The following DENND1A variants were observed in gnomAD, a reference collection of about 807,000 sequenced individuals.
DENND1A encodes DENN domain-containing protein 1A.
A neutral mutation model predicts 113.7 loss-of-function variants in DENND1A; 51 were observed. That is an observed-to-expected ratio of 0.45 (90% CI 0.36 to 0.57). The LOEUF (loss-of-function observed/expected upper bound fraction) is 0.57. Ranked by LOEUF, DENND1A falls within the 20% of genes least tolerant of loss-of-function variation. The pLI is 0.00. For synonymous variants in DENND1A, 565 were observed against 570.8 expected, an observed-to-expected ratio of 0.99 and a Z score of 0.14; for missense variants, 1,258 against 1,395.9, an observed-to-expected ratio of 0.90 and a Z score of 1.57.
At chr9:123,441,029 C>G (rs957183749) in intron 18 of DENND1A, among the ~76,000 whole-genome samples, 6 of 152,106 alleles carry the variant, frequency 3.9e-5, no homozygotes, top group Admixed American at 1.3e-4. Context: ...ATTCAAAATG[C>G]CAGTGATATA....
chr9:123,757,976 TAAAA>T (rs557446216), intron 4 of DENND1A, among the ~76,000 whole-genome samples, 154 bp from the exon 5 acceptor site: 22 of 123,034 alleles, frequency 1.8e-4, no homozygotes, highest in African/African-American at 6.4e-4. Flanking sequence ...GTAAGCTAGT[TAAAA>T]AAAAAAAAAA....
intron 13 of DENND1A, among the ~76,000 whole-genome samples, chr9:123,549,103 T>TG (rs1231644206): frequency 6.6e-6 from 1 of 152,188 alleles, no homozygotes; most frequent in Non-Finnish European, 1.5e-5. Flanking sequence ...CCTTAAAGCA[T>TG]GGGCTCTTTA....
intron 2 of DENND1A, among the ~76,000 whole-genome samples, chr9:123,839,950 A>G (rs1841586821): frequency 6.6e-6 from 1 of 152,252 alleles, no homozygotes; most frequent in Non-Finnish European, 1.5e-5. Flanking sequence ...CACTGGTTCC[A>G]GTTGCATACT....
At chr9:123,523,315 C>T (rs993815158) in intron 13 of DENND1A, among the ~76,000 whole-genome samples, 1 of 152,202 alleles carries the variant, frequency 6.6e-6, no homozygotes, top group African/African-American at 2.4e-5. Flanking sequence ...CCACATTCCT[C>T]ATCTTGTGGA....
intron 17 of DENND1A, among the ~76,000 whole-genome samples, chr9:123,451,058 C>T (rs559325751): frequency 1.2e-4 from 19 of 152,192 alleles, no homozygotes; most frequent in Middle Eastern, 3.4e-3. Context: ...GTGACAGCTA[C>T]CAGTAAGAGT....
At chr9:123,685,943 T>C (rs890400954) in intron 5 of DENND1A, among the ~76,000 whole-genome samples, 3 of 151,500 alleles carry the variant, frequency 2.0e-5, no homozygotes, top group African/African-American at 7.3e-5. Flanking sequence ...AGGTTCTAAC[T>C]AAGGCCCACC....
intron 2 of DENND1A, among the ~76,000 whole-genome samples, chr9:123,808,836 A>G (rs1213697535): frequency 1.3e-5 from 2 of 152,172 alleles, no homozygotes; most frequent in East Asian, 3.8e-4. Context: ...GAAAGCTCTC[A>G]AGCCAACAAC....
At chr9:123,515,925 C>A (rs1426122416) in intron 13 of DENND1A, among the ~76,000 whole-genome samples, 10 of 151,876 alleles carry the variant, frequency 6.6e-5, no homozygotes, top group Non-Finnish European at 1.2e-4. Context: ...AATAAAAACC[C>A]AAAAATCAGC....
chr9:123,522,665 C>T (rs1478859692), intron 13 of DENND1A, among the ~76,000 whole-genome samples: 1 of 152,184 alleles, frequency 6.6e-6, no homozygotes, highest in Non-Finnish European at 1.5e-5. Flanking sequence ...TTTTCTTCTT[C>T]TTCTTGGTGT....
At chr9:123,571,839 G>A (rs2058373124) in intron 12 of DENND1A, among the ~76,000 whole-genome samples, 1 of 152,136 alleles carries the variant, frequency 6.6e-6, no homozygotes, top group South Asian at 2.1e-4. Context: ...TGGGTTGTAT[G>A]GTAGGCGTAA....
intron 13 of DENND1A, among the ~76,000 whole-genome samples, chr9:123,549,458 T>C (rs1305601091): frequency 6.6e-6 from 1 of 152,098 alleles, no homozygotes; most frequent in Non-Finnish European, 1.5e-5. Flanking sequence ...TTTTTCCATC[T>C]TGAGCCACCG....
intron 19 of DENND1A, among the ~76,000 whole-genome samples, chr9:123,417,254 A>G (rs2044809560): frequency 6.6e-6 from 1 of 152,278 alleles, no homozygotes; most frequent in Non-Finnish European, 1.5e-5. Flanking sequence ...GTCTTTCCAG[A>G]AAAGTCCTAT....
At chr9:123,767,974 G>A (rs1050865150) in intron 4 of DENND1A, among the ~76,000 whole-genome samples, 1 of 152,102 alleles carries the variant, frequency 6.6e-6, no homozygotes, top group African/African-American at 2.4e-5. Flanking sequence ...TTTTATAAGT[G>A]GCTGGAGGAG....
At position 123,796,756 on chromosome 9, in the gene DENND1A, T is replaced by TACACACACACACACAC. The variant is rs370185315; in HGVS notation, c.89-4142_89-4127dup. Among the ~76,000 whole-genome samples the TACACACACACACACAC allele has an allele frequency of 8.3e-3, 1,179 of 141,546 alleles. 6 individuals are homozygous for TACACACACACACACAC. The highest frequency in any genetic ancestry group is 0.022 in the Middle Eastern group (6 of 274). 92.9% of individuals were successfully genotyped at this position (141,546 alleles called of 152,430 possible). A position where few individuals can be genotyped will look rare whatever the true frequency, so the allele number is the denominator to read the frequency against. On this transcript the variant is annotated intron_variant, in intron 2 of 23. Coordinates refer to ENST00000394215, the MANE Select transcript of DENND1A (RefSeq NM_001352964.2). The stretch of plus-strand genomic sequence containing the variant: ...TACATTGGTAACTCCTATGTGTACA[T>TACACACACACACACAC]ACACACACACACACACACACACACA...
At chr9:123,579,988 G>A (rs772290745) in intron 12 of DENND1A, among the ~76,000 whole-genome samples, 4 of 152,132 alleles carry the variant, frequency 2.6e-5, no homozygotes, top group Non-Finnish European at 4.4e-5. Context: ...ATTTGTGCAC[G>A]CTGAGACTGT....
At chr9:123,731,679 T>G (rs1589846399) in intron 5 of DENND1A, among the ~76,000 whole-genome samples, 1 of 152,220 alleles carries the variant, frequency 6.6e-6, no homozygotes, top group African/African-American at 2.4e-5. Context: ...TTCCTAGATA[T>G]GACACCAAAA....
intron 3 of DENND1A, among the ~76,000 whole-genome samples, chr9:123,791,872 G>A (rs1833036125): frequency 6.6e-6 from 1 of 152,152 alleles, no homozygotes; most frequent in African/African-American, 2.4e-5. Flanking sequence ...AACTAAAAAT[G>A]TAAGGTGCCC....
chr9:123,910,831 T>C (rs1177967014), intron 1 of DENND1A, among the ~76,000 whole-genome samples: 2 of 152,126 alleles, frequency 1.3e-5, no homozygotes, highest in African/African-American at 4.8e-5. Context: ...TCCCAGCTAC[T>C]CAGTAGGAGG....
intron 13 of DENND1A, among the ~76,000 whole-genome samples, chr9:123,512,497 G>A (rs926844014): frequency 2.0e-5 from 3 of 152,214 alleles, no homozygotes. Flanking sequence ...ATGAGGAGAG[G>A]TGAGTGTCCT....
Sources: allele counts gnomAD v4.1 joint callset (sites outside exome capture counted in the v4.1 genomes callset), GRCh38; gene constraint gnomAD v4.1.1; transcripts MANE v1.5; gene names NCBI Gene and HGNC (gene_info 2026-07-23, HGNC 2026-07-21).